The following DNAH7 variants were observed in gnomAD, a reference collection of about 807,000 sequenced individuals.
DNAH7 encodes axonemal beta dynein heavy chain 7.
A neutral mutation model predicts 444.6 loss-of-function variants in DNAH7; 397 were observed. That is an observed-to-expected ratio of 0.89 (90% confidence interval 0.82 to 0.97). The LOEUF (loss-of-function observed/expected upper bound fraction) is 0.97. DNAH7 is among the 50% of genes least tolerant of loss of function. The probability of loss-of-function intolerance (pLI) is 0.00; values close to 1 mark genes in which losing one functional copy is unlikely to be tolerated. For synonymous variants in DNAH7, 1,636 were observed against 1,624.4 expected (o/e 1.01, Z -0.17); for missense variants, 4,902 against 4,800.8 (o/e 1.02, Z -0.62).
At chr2:195,847,682 A>G (rs1054307758) in intron 46 of DNAH7, among the ~76,000 whole-genome samples, 3 of 152,310 alleles carry the variant, frequency 2.0e-5, no homozygotes, top group African/African-American at 7.2e-5. Flanking sequence ...TTCAATTTAC[A>G]AAGTAGTTGG....
chr2:196,019,492 G>A (rs938933191), intron 8 of DNAH7, among the ~76,000 whole-genome samples, 197 bp from the exon 9 acceptor site: 14 of 151,984 alleles, frequency 9.2e-5, no homozygotes, highest in Non-Finnish European at 1.8e-4. Flanking sequence ...TTATAAAAAT[G>A]ACTCTGAAAT....
At position 195,889,374 on chromosome 2, in the gene DNAH7, G is replaced by A. The variant is rs113466151; in HGVS notation, c.5047-393C>T. On this transcript the variant is annotated intron_variant, in intron 31 of 64. Coordinates refer to ENST00000312428, the MANE Select transcript of DNAH7 (RefSeq NM_018897.3). ...TGTTGTCCAGGCTGGAGGGCAGAGT[G>A]GGGTGATCATGGCTCACTGCAGTCT... Among the ~76,000 whole-genome samples the A allele has an allele frequency of 2.3e-3, 344 of 149,586 alleles. 2 individuals carry two copies. Among genetic ancestry groups the A allele is most frequent in the African/African-American group, 7.9e-3 (321 of 40,766 alleles).
chr2:195,798,952 C>T (rs1294928357), intron 55 of DNAH7, among the ~76,000 whole-genome samples: 2 of 152,132 alleles, frequency 1.3e-5, no homozygotes, highest in South Asian at 2.1e-4. Context: ...AGAAAAGGTG[C>T]ACCCCTGAGG....
chr2:195,772,170 G>T (rs1458724415), intron 60 of DNAH7, among the ~76,000 whole-genome samples: 1 of 152,188 alleles, frequency 6.6e-6, no homozygotes, highest in Non-Finnish European at 1.5e-5. Context: ...GGCTGCCAGG[G>T]TACAGGGGGA....
In DNAH7 at chr2:196,050,931, C is replaced by G. The variant is rs575274844; in HGVS notation, c.141+256G>C. On this transcript the variant is annotated intron_variant, in intron 3 of 64. Transcript: ENST00000312428. ...AAGCCCTTTTTTATTTACTCCAACG[C>G]TAATACTCCTTTTGCTAACCAATCT... Among the ~76,000 whole-genome samples, 3 of 152,326 alleles carry G rather than the reference C, an allele frequency of 2.0e-5. No individual in the cohort carries two copies. The South Asian group carries it at 6.2e-4, about 32-fold the overall frequency.
chr2:195,778,804 G>A (rs1251045595), intron 58 of DNAH7, among the ~76,000 whole-genome samples: 1 of 145,834 alleles, frequency 6.9e-6, no homozygotes, highest in Admixed American at 6.9e-5. Flanking sequence ...ATATATATTT[G>A]ACAATTTGAA....
intron 8 of DNAH7, 127 bp from the exon 9 acceptor site, chr2:196,019,422 C>T (rs1695234113): frequency 1.5e-6 from 1 of 660,636 alleles, no homozygotes. Context: ...AATAACAAAA[C>T]AAGCAATTAT....
In DNAH7 at chr2:195,950,818, C is replaced by T. The variant is rs377710187; in HGVS notation, c.3078+6443G>A. 3.5e-4 allele frequency among the ~76,000 whole-genome samples: 46 copies of T among 131,408 alleles called. No homozygotes were observed. In the South Asian group the frequency reaches 6.7e-3, roughly 19 times the overall value. The allele number at this position is 131,408 out of a possible 152,430, so 86.2% of individuals were successfully genotyped here. The stretch of plus-strand genomic sequence containing the variant: ...AGTGAGCCAAGACCATGCCACTGCA[C>T]TCCAGCCTAGGCAACAGAGTGGGAC... On this transcript the variant is annotated intron_variant, in intron 19 of 64. Coordinates refer to ENST00000312428, the MANE Select transcript of DNAH7 (RefSeq NM_018897.3).
intron 53 of DNAH7, among the ~76,000 whole-genome samples, chr2:195,808,033 C>A (rs1354413081): frequency 6.6e-6 from 1 of 152,070 alleles, no homozygotes; most frequent in East Asian, 1.9e-4. Context: ...TCCAACCTCT[C>A]CCTAGGAGAG....
At chr2:195,873,956 T>C (rs1200521451) in intron 38 of DNAH7, among the ~76,000 whole-genome samples, 1 of 152,124 alleles carries the variant, frequency 6.6e-6, no homozygotes, top group East Asian at 1.9e-4. Flanking sequence ...CTAAGGGAAA[T>C]CAGACCAGGC....
chr2:195,878,127 G>A (rs1238173588), intron 36 of DNAH7, among the ~76,000 whole-genome samples: 1 of 152,124 alleles, frequency 6.6e-6, no homozygotes, highest in Admixed American at 6.6e-5. Flanking sequence ...TCTGAGTAAA[G>A]CAAATTTATA....
At chr2:195,883,449 G>GCCC (rs1203503298) in intron 35 of DNAH7, among the ~76,000 whole-genome samples, 6 of 135,864 alleles carry the variant, frequency 4.4e-5, no homozygotes, top group African/African-American at 2.1e-4. Flanking sequence ...CTCAGTCCCC[G>GCCC]CTCCCCCCCC....
rs1695229637 is a variant in DNAH7 at position 196,019,364 on chromosome 2, G to A, written c.744-69C>T. 16 of 1,232,746 alleles carry A rather than the reference G, an allele frequency of 1.3e-5. No individual in the cohort carries two copies. The South Asian group carries it at 4.0e-4, about 30-fold the overall frequency. The allele number at this position is 1,232,746 out of a possible 1,614,324, so 76.4% of individuals were successfully genotyped here. On this transcript the variant is annotated intron_variant, in intron 8 of 64. Coordinates refer to ENST00000312428, the MANE Select transcript of DNAH7 (RefSeq NM_018897.3). ...TTTTTATAGTAACTGTACATTTTGGGTAATAATTATTTAATTTTAATAAAA... is the reference window on the plus strand; with the variant it reads ...TTTTTATAGTAACTGTACATTTTGGATAATAATTATTTAATTTTAATAAAA...
At chr2:196,013,417 T>C (rs998309274) in intron 9 of DNAH7, among the ~76,000 whole-genome samples, 1 of 152,178 alleles carries the variant, frequency 6.6e-6, no homozygotes, top group African/African-American at 2.4e-5. Flanking sequence ...CAACTTTCAA[T>C]ACAATCCTTC....
At chr2:195,782,275 C>T (rs576990429) in intron 58 of DNAH7, among the ~76,000 whole-genome samples, 31 of 152,258 alleles carry the variant, frequency 2.0e-4, no homozygotes, top group South Asian at 1.2e-3. Context: ...TCAAAGGGAG[C>T]TATGAATCCA....
chr2:195,851,706 AAGT>A (rs1699375294), intron 46 of DNAH7, among the ~76,000 whole-genome samples: 1 of 152,160 alleles, frequency 6.6e-6, no homozygotes, highest in African/African-American at 2.4e-5. Context: ...GCACTGGGTA[AAGT>A]GGATTCTGCT....
intron 12 of DNAH7, chr2:195,994,495 TG>T (rs1199941861): frequency 2.0e-6 from 1 of 493,518 alleles, no homozygotes; most frequent in Non-Finnish European, 3.9e-6. Context: ...TGTCCTGTGT[TG>T]GTTGAATCCA....
chr2:195,756,115 T>A lies in DNAH7; in HGVS notation c.11586+18A>T. 9.5e-6 allele frequency: 15 copies of A among 1,586,280 alleles called. No individual in the cohort carries two copies. The highest frequency in any genetic ancestry group is 1.3e-5 in the Non-Finnish European group (15 of 1,163,866). ...CCAGGAGAAACTTAACAATATACGA[T>A]CATTTAGACGAACTTACCTGCAAGA... On this transcript the variant is annotated intron_variant, in intron 62 of 64. Coordinates refer to ENST00000312428, the MANE Select transcript of DNAH7 (RefSeq NM_018897.3).
At chr2:195,947,703 T>C (rs1052807515) in intron 19 of DNAH7, among the ~76,000 whole-genome samples, 1 of 152,210 alleles carries the variant, frequency 6.6e-6, no homozygotes, top group Non-Finnish European at 1.5e-5. Flanking sequence ...TTGATGGACA[T>C]TTGGGTTGGT....
Sources: allele counts gnomAD v4.1 joint callset (sites outside exome capture counted in the v4.1 genomes callset), GRCh38; gene constraint gnomAD v4.1.1; transcripts MANE v1.5; gene names NCBI Gene and HGNC (gene_info 2026-07-23, HGNC 2026-07-21).